The following NRG3 variants were observed in gnomAD, a reference collection of about 807,000 sequenced individuals.
NRG3 encodes neuregulin 3.
NRG3 carries 31 observed loss-of-function variants against 66.9 expected under a neutral mutation model. The ratio of observed to expected loss-of-function variants is 0.46; its 90% CI spans 0.35 to 0.63. The LOEUF is 0.63. Ranked by LOEUF, NRG3 falls within the 20% of genes least tolerant of loss-of-function variation. The pLI is 0.00. For synonymous variants in NRG3, 393 were observed against 359.4 expected (o/e 1.09, Z -1.06); for missense variants, 910 against 878.9 (o/e 1.04, Z -0.45).
In NRG3 at chr10:81,905,060, C is replaced by T. The variant is rs996399; in HGVS notation, c.823+28897C>T. ...CTTTCATGCAGTCTCCTCCTCCTCCCGGCTTCATATAATTCATGAATTTAG... is the reference window on the plus strand; with the variant it reads ...CTTTCATGCAGTCTCCTCCTCCTCCTGGCTTCATATAATTCATGAATTTAG... On this transcript the variant is annotated intron_variant, in intron 1 of 8. Coordinates refer to ENST00000372141, the MANE Select transcript of NRG3 (RefSeq NM_001010848.4). Among the ~76,000 whole-genome samples, 1,511 of 152,206 alleles carry T rather than the reference C, an allele frequency of 9.9e-3. 77 individuals are homozygous for T. Among genetic ancestry groups the T allele is most frequent in the Admixed American group, 0.086 (1,320 of 15,294 alleles).
At chr10:81,886,434 T>TA (rs1309548309) in intron 1 of NRG3, among the ~76,000 whole-genome samples, 6 of 152,128 alleles carry the variant, frequency 3.9e-5, no homozygotes, top group African/African-American at 1.4e-4. Context: ...TAAGTCACTT[T>TA]AAAAAAAGTG....
intron 1 of NRG3, among the ~76,000 whole-genome samples, chr10:81,944,104 G>A (rs149274730): frequency 6.6e-6 from 1 of 152,274 alleles, no homozygotes; most frequent in Non-Finnish European, 1.5e-5. Flanking sequence ...CACCAGACAC[G>A]CCTGTGACAT....
intron 1 of NRG3, among the ~76,000 whole-genome samples, chr10:82,107,921 A>G (rs2067165605): frequency 6.6e-6 from 1 of 152,202 alleles, no homozygotes; most frequent in South Asian, 2.1e-4. Flanking sequence ...AAGCTGAAAA[A>G]CGAAAACATC....
At chr10:82,801,310 C>T (rs766732815) in intron 3 of NRG3, among the ~76,000 whole-genome samples, 12 of 152,116 alleles carry the variant, frequency 7.9e-5, no homozygotes, top group South Asian at 4.1e-4. Flanking sequence ...AAATTAAGAG[C>T]GTAAGACTGA....
rs1842004251 is a variant in NRG3, at chr10:82,478,867, AT to A, written c.953+120001del. Among the ~76,000 whole-genome samples, 3 of 152,204 alleles carry A rather than the reference AT, an allele frequency of 2.0e-5. No individual in the cohort carries two copies. The South Asian group carries it at 6.2e-4, about 31-fold the overall frequency. ...TATTCTTCTATTTAGGAAATAATTGATTGGGCGAAGTGGATTACATTTCAAT... is the reference window on the plus strand; with the variant it reads ...TATTCTTCTATTTAGGAAATAATTGATGGGCGAAGTGGATTACATTTCAAT... On this transcript the variant is annotated intron_variant, in intron 2 of 8. Coordinates refer to ENST00000372141, the MANE Select transcript of NRG3 (RefSeq NM_001010848.4).
chr10:82,362,441 T>G (rs898478524), intron 2 of NRG3, among the ~76,000 whole-genome samples: 5 of 150,930 alleles, frequency 3.3e-5, no homozygotes, highest in African/African-American at 1.2e-4. Context: ...TGGTATGATC[T>G]TGGCTCACTG....
rs570227562 is a variant in NRG3 at position 82,899,758 on chromosome 10, C to T, written c.1054+34321C>T. On this transcript the variant is annotated intron_variant, in intron 4 of 8. Coordinates refer to ENST00000372141, the MANE Select transcript of NRG3 (RefSeq NM_001010848.4). ...GAATTGTCTGCGTATTTCAAAGTAC[C>T]CTTAAAAATTTAAATCAGACAAACT... 7.2e-5 allele frequency among the ~76,000 whole-genome samples: 11 copies of T among 152,028 alleles called. No individual in the cohort carries two copies. The South Asian group carries it at 2.3e-3, about 32-fold the overall frequency.
chr10:81,941,007 G>T (rs1359032183), intron 1 of NRG3, among the ~76,000 whole-genome samples: 1 of 151,960 alleles, frequency 6.6e-6, no homozygotes, highest in Non-Finnish European at 1.5e-5. Context: ...TTACCTTATT[G>T]TGTGTTCTCT....
chr10:82,711,527 CTGTGTGTTTGTGTG>C (rs2056664452), intron 2 of NRG3, among the ~76,000 whole-genome samples: 1 of 116,238 alleles, frequency 8.6e-6, no homozygotes, highest in Admixed American at 1.1e-4. Flanking sequence ...CTGGATTTAT[CTGTGTGTTTGTGTG>C]TGTGTGTGTG....
intron 1 of NRG3, among the ~76,000 whole-genome samples, chr10:81,995,570 C>G (rs948350137): frequency 6.6e-6 from 1 of 152,206 alleles, no homozygotes; most frequent in African/African-American, 2.4e-5. Context: ...CTTGTGATTA[C>G]TTACTGATGG....
At chr10:82,717,987 C>G (rs1309742687) in intron 2 of NRG3, among the ~76,000 whole-genome samples, 2 of 152,130 alleles carry the variant, frequency 1.3e-5, no homozygotes, top group African/African-American at 4.8e-5. Flanking sequence ...CCACCACACC[C>G]TCTTCCCGAA....
At chr10:82,571,349 A>G (rs1408218753) in intron 2 of NRG3, among the ~76,000 whole-genome samples, 1 of 151,690 alleles carries the variant, frequency 6.6e-6, no homozygotes, top group African/African-American at 2.4e-5. Flanking sequence ...TTAAAGACAT[A>G]CAAAACAAAG....
chr10:82,241,355 C>G (rs1382076514), intron 1 of NRG3, among the ~76,000 whole-genome samples: 1 of 152,000 alleles, frequency 6.6e-6, no homozygotes, highest in Non-Finnish European at 1.5e-5. Context: ...AACTTTTGTC[C>G]TTATCAGTAA....
intron 2 of NRG3, among the ~76,000 whole-genome samples, chr10:82,427,905 A>T (rs539554661): frequency 5.9e-4 from 89 of 152,098 alleles, no homozygotes; most frequent in Middle Eastern, 3.4e-3. Flanking sequence ...ATATATTCAG[A>T]TATTTTATTT....
At chr10:82,601,553 C>G (rs1388590561) in intron 2 of NRG3, among the ~76,000 whole-genome samples, 3 of 152,008 alleles carry the variant, frequency 2.0e-5, no homozygotes, top group Non-Finnish European at 4.4e-5. Context: ...GCTTTGCCAT[C>G]TTACCTCTAC....
intron 4 of NRG3, among the ~76,000 whole-genome samples, chr10:82,938,581 C>T (rs1288761837): frequency 2.0e-5 from 3 of 152,156 alleles, no homozygotes; most frequent in Non-Finnish European, 4.4e-5. Flanking sequence ...CTGCCAATAC[C>T]TGTGGTAAAG....
At chr10:82,550,682 A>G (rs2044247334) in intron 2 of NRG3, among the ~76,000 whole-genome samples, 1 of 152,156 alleles carries the variant, frequency 6.6e-6, no homozygotes, top group South Asian at 2.1e-4. Flanking sequence ...GAATTGTGCA[A>G]GACCCCAAGT....
intron 3 of NRG3, among the ~76,000 whole-genome samples, chr10:82,754,783 A>G (rs1250655090): frequency 6.6e-6 from 1 of 152,112 alleles, no homozygotes; most frequent in Admixed American, 6.6e-5. Flanking sequence ...AAGCAAATAT[A>G]TACTACTTAA....
At chr10:82,303,174 C>T (rs1473066503) in intron 1 of NRG3, among the ~76,000 whole-genome samples, 2 of 152,188 alleles carry the variant, frequency 1.3e-5, no homozygotes, top group African/African-American at 4.8e-5. Context: ...GATGTTCACT[C>T]CATCTTCCAC....
Sources: allele counts gnomAD v4.1 joint callset (sites outside exome capture counted in the v4.1 genomes callset), GRCh38; gene constraint gnomAD v4.1.1; transcripts MANE v1.5; gene names NCBI Gene and HGNC (gene_info 2026-07-23, HGNC 2026-07-21).